Variants in JAM3 observed in about 807,000 individuals in gnomAD.
JAM3 encodes the protein junctional adhesion molecule 3, also known as junctional adhesion molecule C.
A neutral mutation model predicts 39.4 loss-of-function variants in JAM3; 31 were observed. That is an observed-to-expected ratio of 0.79 (90% CI 0.59 to 1.06). JAM3 has a LOEUF of 1.06. Ranked by LOEUF, JAM3 falls within the 50% of genes least tolerant of loss-of-function variation. JAM3 has a pLI of 0.00. For synonymous variants in JAM3, 182 were observed against 148.7 expected (o/e 1.22, Z -1.63); for missense variants, 455 against 391.4 (o/e 1.16, Z -1.37).
At chr11:134,102,077 A>G (rs1942085471) in intron 1 of JAM3, among the ~76,000 whole-genome samples, 1 of 152,134 alleles carries the variant, frequency 6.6e-6, no homozygotes, top group Admixed American at 6.5e-5. Context: ...AACCTATTTA[A>G]TTATCTCAGC....
At chr11:134,128,608 T>G (rs1942700477) in intron 1 of JAM3, among the ~76,000 whole-genome samples, 2 of 152,102 alleles carry the variant, frequency 1.3e-5, no homozygotes, top group African/African-American at 4.8e-5. Flanking sequence ...TGTGTGGCAG[T>G]TCCCCCCTTA....
At chr11:134,069,289 G>A in intron 1 of JAM3, 130 bp downstream of exon 1, 1 of 1,279,820 alleles carries the variant, frequency 7.8e-7, no homozygotes. Context: ...GGGGTCCCGG[G>A]CCGGAGGGGC....
At chr11:134,100,369 T>C (rs994255569) in intron 1 of JAM3, among the ~76,000 whole-genome samples, 2 of 152,180 alleles carry the variant, frequency 1.3e-5, no homozygotes, top group Non-Finnish European at 2.9e-5. Context: ...AGGTGTGATA[T>C]AGGAAAATTA....
chr11:134,069,281 G>A (rs964471569), intron 1 of JAM3, 122 bp downstream of exon 1: 14 of 1,366,752 alleles, frequency 1.0e-5, no homozygotes, highest in Non-Finnish European at 1.4e-5. Flanking sequence ...GGGCTCCCGG[G>A]GTCCCGGGCC....
intron 1 of JAM3, among the ~76,000 whole-genome samples, chr11:134,092,156 T>C (rs959704840): frequency 1.3e-5 from 2 of 152,174 alleles, no homozygotes; most frequent in African/African-American, 4.8e-5. Flanking sequence ...CAGTGGCCTC[T>C]TGCTCAGTGT....
intron 1 of JAM3, among the ~76,000 whole-genome samples, chr11:134,132,405 C>A (rs1051967040): frequency 1.3e-5 from 2 of 151,946 alleles, no homozygotes; most frequent in Non-Finnish European, 2.9e-5. Flanking sequence ...TACCACCAGA[C>A]CTCTATAGGA....
At chr11:134,129,249 T>C (rs1942715802) in intron 1 of JAM3, among the ~76,000 whole-genome samples, 1 of 151,944 alleles carries the variant, frequency 6.6e-6, no homozygotes, top group South Asian at 2.1e-4. Flanking sequence ...CCCAAGTAGA[T>C]GGGACTATAG....
chr11:134,110,840 A>G (rs1942295189), intron 1 of JAM3, among the ~76,000 whole-genome samples: 1 of 152,144 alleles, frequency 6.6e-6, no homozygotes, highest in African/African-American at 2.4e-5. Flanking sequence ...TGTGCACTTT[A>G]TATGTCAATT....
At position 134,069,106 on chromosome 11, in the gene JAM3, G is replaced by T; in HGVS notation, c.23G>T (p.Arg8Leu). MALRRPP[R>L]LRLCARLPDF... ...GACATGGCGCTGAGGCGGCCACCGC[G>T]ACTCCGGCTCTGCGCTCGGCTGCCT... Residue 8 changes from arginine (R) to leucine (L), a missense_variant, in exon 1 of 9, where the codon CGA (arginine) becomes CTA (leucine). Coordinates refer to ENST00000299106, the MANE Select transcript of JAM3 (RefSeq NM_032801.5). 6.2e-7 allele frequency: 1 copy of T among 1,612,158 alleles called. No homozygotes were observed. Among genetic ancestry groups the T allele is most frequent in the Non-Finnish European group, 8.5e-7 (1 of 1,179,272 alleles).
intron 1 of JAM3, among the ~76,000 whole-genome samples, chr11:134,088,577 CAA>C (rs1941785278): frequency 6.6e-6 from 1 of 152,066 alleles, no homozygotes; most frequent in African/African-American, 2.4e-5. Flanking sequence ...ATTCTAATGA[CAA>C]GATGCATTTA....
At chr11:134,146,148 G>A (rs1943067109) in intron 6 of JAM3, 103 bp downstream of exon 6, 2 of 849,002 alleles carry the variant, frequency 2.4e-6, no homozygotes, top group African/African-American at 3.4e-5. Flanking sequence ...TCCGCCATGG[G>A]TTAGCTTTCT....
intron 1 of JAM3, among the ~76,000 whole-genome samples, chr11:134,139,450 C>T (rs976906886): frequency 9.2e-5 from 14 of 151,968 alleles, no homozygotes; most frequent in Non-Finnish European, 2.9e-5. Context: ...ATATCACGTG[C>T]CACTGAGGGT....
chr11:134,116,110 CAAG>C (rs1942427693), intron 1 of JAM3, among the ~76,000 whole-genome samples: 2 of 152,184 alleles, frequency 1.3e-5, no homozygotes, highest in Middle Eastern at 3.4e-3. Flanking sequence ...AGCCCACACT[CAAG>C]GAGATGGAAA....
intron 1 of JAM3, among the ~76,000 whole-genome samples, chr11:134,114,824 C>G (rs1018274787): frequency 1.3e-5 from 2 of 152,150 alleles, no homozygotes; most frequent in Non-Finnish European, 2.9e-5. Flanking sequence ...ATTCTGCTGT[C>G]TTTGGGTTAG....
chr11:134,142,253 T>C (rs1415849467), intron 3 of JAM3, among the ~76,000 whole-genome samples: 2 of 152,142 alleles, frequency 1.3e-5, no homozygotes, highest in Non-Finnish European at 2.9e-5. Context: ...TCGGGGAGGA[T>C]GCAGCTGTAC....
At chr11:134,106,538 C>T (rs968821602) in intron 1 of JAM3, among the ~76,000 whole-genome samples, 2 of 152,106 alleles carry the variant, frequency 1.3e-5, no homozygotes, top group Non-Finnish European at 2.9e-5. Flanking sequence ...AAGAAACTAC[C>T]ATCAGAGTGA....
At chr11:134,070,414 G>T in intron 1 of JAM3, 2 of 354,054 alleles carry the variant, frequency 5.6e-6, no homozygotes. Context: ...GACAGATTTT[G>T]GAAAACAAAG....
At chr11:134,101,203 T>C (rs1475283007) in intron 1 of JAM3, among the ~76,000 whole-genome samples, 1 of 152,258 alleles carries the variant, frequency 6.6e-6, no homozygotes, top group African/African-American at 2.4e-5. Flanking sequence ...TTCATACATA[T>C]TGCTTAATTG....
At chr11:134,114,197 A>C (rs979312017) in intron 1 of JAM3, among the ~76,000 whole-genome samples, 1 of 152,130 alleles carries the variant, frequency 6.6e-6, no homozygotes, top group Non-Finnish European at 1.5e-5. Context: ...CTTTAGTTTT[A>C]ATTAGATCCC....
Sources: gnomAD v4.1 joint callset for allele counts (sites outside exome capture counted in the v4.1 genomes callset) on GRCh38, gnomAD v4.1.1 for gene constraint, MANE v1.5 for transcripts, NCBI Gene and HGNC (gene_info 2026-07-23, HGNC 2026-07-21) for gene names.